COL6A3: variants seen among roughly 807,000 people sequenced by gnomAD.
COL6A3 encodes collagen alpha-3(VI) chain.
Under a neutral mutation model 274.1 loss-of-function variants are expected in COL6A3, and 137 were observed. The ratio of observed to expected loss-of-function variants is 0.50; its 90% CI spans 0.44 to 0.58. The LOEUF is 0.58. Ranked by LOEUF, COL6A3 falls within the 20% of genes least tolerant of loss-of-function variation. The pLI is 0.00. For synonymous variants in COL6A3, 1,650 were observed against 1,650.6 expected, an observed-to-expected ratio of 1.00 and a Z score of 0.01; for missense variants, 3,950 against 4,124.9, an observed-to-expected ratio of 0.96 and a Z score of 1.16.
At position 237,377,301 on chromosome 2, in the gene COL6A3, A is replaced by G; in HGVS notation, c.2541T>C (p.Asn847=). 1 of 1,602,302 alleles carries G rather than the reference A, an allele frequency of 6.2e-7. No individual in the cohort carries two copies. Among genetic ancestry groups the G allele is most frequent in the Non-Finnish European group, 8.5e-7 (1 of 1,179,934 alleles). Residue 847 remains asparagine (N), a synonymous_variant, in exon 7 of 44, where the codon AAT becomes AAC. Coordinates refer to ENST00000295550, the MANE Select transcript of COL6A3 (RefSeq NM_004369.4). The part of the protein sequence containing the change: ...DILFLFDGSA[N]LVGQFPVVRD... ...GGACAACAGGGAACTGGCCCACAAG[A>G]TTGGCTGAGCCGTCAAAGAGGAACA... is the stretch of plus-strand genomic sequence containing the variant.
rs749169391 is a variant in COL6A3, at chr2:237,340,523, A to G, written c.8393T>C (p.Val2798Ala). 4.6e-5 allele frequency: 74 copies of G among 1,614,032 alleles called. No individual in the cohort carries two copies. Among genetic ancestry groups the G allele is most frequent in the Non-Finnish European group, 5.8e-5 (69 of 1,180,040 alleles). Residue 2798 changes from valine to alanine, a missense_variant, in exon 38 of 44, where the codon GTG (valine) becomes GCG (alanine). Val to Ala is a moderately conservative substitution (Grantham distance 64). Coordinates refer to ENST00000295550, the MANE Select transcript of COL6A3 (RefSeq NM_004369.4). ...SEPNDVFFKL[V>A]DKSTELNEEP... ...CTCGTTGAGCTCGGTGGACTTGTCC[A>G]CTAATTTGAAGAAGACGTCGTTTGG...
rs186898622 is a variant in COL6A3, at chr2:237,357,007, C to T, written c.6591+331G>A. 1.3e-3 allele frequency: 542 copies of T among 413,042 alleles called. 4 individuals are homozygous for T. Among genetic ancestry groups the T allele is most frequent in the Admixed American group, 2.3e-3 (57 of 25,302 alleles). The allele number at this position is 413,042 out of a possible 1,614,324, so 25.6% of individuals were successfully genotyped here. On this transcript the variant is annotated intron_variant, in intron 23 of 43. Transcript: ENST00000295550. ...CCTCAGCCCTCTTGCCCCTTATTCC[C>T]TCCCTCCCCCAGTATTAGGATTTCC...
At chr2:237,353,315 A>G in intron 25 of COL6A3, 26 bp downstream of exon 25, 1 of 1,609,692 alleles carries the variant, frequency 6.2e-7, no homozygotes, top group Non-Finnish European at 8.5e-7. Flanking sequence ...ATCAGAGGGC[A>G]CACAGTCACA....
rs1439424107 is a variant in COL6A3, at chr2:237,413,542, C to T, written c.-31+411G>A. ...CACCCAGAGAGCTCAGAGAACATCT[C>T]CCAGCGGAGCCGCCCGGCAGGGAGC... is the stretch of plus-strand genomic sequence containing the variant. On this transcript the variant is annotated intron_variant, in intron 1 of 43. Coordinates refer to ENST00000295550, the MANE Select transcript of COL6A3 (RefSeq NM_004369.4). The surrounding 1 kb of genome is among the most constrained non-coding windows in gnomAD (Gnocchi z 4.0). Among the ~76,000 whole-genome samples, 1 of 151,486 alleles carries T rather than the reference C, an allele frequency of 6.6e-6. No individual in the cohort carries two copies. The highest frequency in any genetic ancestry group is 1.5e-5 in the Non-Finnish European group (1 of 68,030).
At chr2:237,369,542 G>A (rs2077635186) in intron 9 of COL6A3, among the ~76,000 whole-genome samples, 1 of 152,208 alleles carries the variant, frequency 6.6e-6, no homozygotes, top group Admixed American at 6.5e-5. Context: ...AAGAGACCAA[G>A]GCCACTGGGA....
In COL6A3 at chr2:237,394,875, C is replaced by T. The variant is rs398124120; in HGVS notation, c.421G>A (p.Gly141Arg). The T allele has an allele frequency of 1.1e-5, 17 of 1,611,644 alleles. No homozygotes were observed. Among genetic ancestry groups the T allele is most frequent in the South Asian group, 4.4e-5 (4 of 91,050 alleles). ...AACACTACGATAACCTGAGGGACTC[C>T]GTCACCGGCCCGGCTTCCAGCAGCC... ...TKAAGSRAGD[G>R]VPQVIVVLTD... Residue 141 changes from glycine (G) to arginine (R), a missense_variant, in exon 3 of 44, where the codon GGA (glycine) becomes AGA (arginine). By Grantham distance (125) the Gly-to-Arg change is moderately radical. Transcript: ENST00000295550.
chr2:237,362,901 C>T (rs138811676), intron 14 of COL6A3, among the ~76,000 whole-genome samples: 5 of 152,288 alleles, frequency 3.3e-5, no homozygotes, highest in Non-Finnish European at 7.4e-5. Context: ...TTCAGATGCT[C>T]TTGACACAGT....
At position 237,407,365 on chromosome 2, in the gene COL6A3, G is replaced by A. The variant is rs1354386186; in HGVS notation, c.-31+6588C>T. On this transcript the variant is annotated intron_variant, in intron 1 of 43. Coordinates refer to ENST00000295550, the MANE Select transcript of COL6A3 (RefSeq NM_004369.4). The surrounding 1 kb of genome is among the most constrained non-coding windows in gnomAD (Gnocchi z 4.3). ...CCTACTGGGGTCCTTTGTCACTTAC[G>A]GGGGTCCTTGTTAGATATGGAGTAG... 5.3e-5 allele frequency among the ~76,000 whole-genome samples: 8 copies of A among 152,124 alleles called. No individual in the cohort carries two copies. The highest frequency in any genetic ancestry group is 4.2e-4 in the South Asian group (2 of 4,816).
intron 9 of COL6A3, among the ~76,000 whole-genome samples, 167 bp from the exon 10 acceptor site, chr2:237,369,344 C>A (rs1006910177): frequency 1.3e-5 from 2 of 152,140 alleles, no homozygotes. Flanking sequence ...AAAATTGGAC[C>A]TTTTACACCA....
rs1180101486 is a variant in COL6A3 at position 237,364,772 on chromosome 2, A to G, written c.5839-344T>C. On this transcript the variant is annotated intron_variant, in intron 12 of 43. Coordinates refer to ENST00000295550, the MANE Select transcript of COL6A3 (RefSeq NM_004369.4). The surrounding 1 kb of genome is among the most constrained non-coding windows in gnomAD (Gnocchi z 4.6). ...CATGTGTGTGCATGTGTGTGGGTAC[A>G]TATGTGTGTGTATGGGTGCATTGTG... Among the ~76,000 whole-genome samples the G allele has an allele frequency of 3.4e-5, 5 of 148,046 alleles. No homozygotes were observed. Among genetic ancestry groups the G allele is most frequent in the Non-Finnish European group, 6.0e-5 (4 of 66,740 alleles).
At position 237,339,131 on chromosome 2, in the gene COL6A3, A is replaced by AG. The variant is rs1289584035; in HGVS notation, c.8465-15_8465-14insC. 3 of 1,578,724 alleles carry AG rather than the reference A, an allele frequency of 1.9e-6. No homozygotes were observed. ...AAGCATTTTCACCTAAAGAAAAAAA[A>AG]CAAAGAAAACAATTGAACCGCATGC... On this transcript the variant is annotated splice_polypyrimidine_tract_variant and intron_variant, in intron 38 of 43. Transcript: ENST00000295550.
At chr2:237,338,814 C>A in intron 39 of COL6A3, 1 of 560,896 alleles carries the variant, frequency 1.8e-6, no homozygotes, top group Non-Finnish European at 3.2e-6. Context: ...TGTTTTAAGC[C>A]ACTAAGTTTT....
At position 237,377,214 on chromosome 2, in the gene COL6A3, C is replaced by T. The variant is rs919417658; in HGVS notation, c.2628G>A (p.Ala876=). The T allele has an allele frequency of 2.5e-6, 4 of 1,613,566 alleles. No homozygotes were observed. The highest frequency in any genetic ancestry group is 2.2e-5 in the South Asian group (2 of 91,068). Residue 876 remains alanine, a synonymous_variant, in exon 7 of 44, where the codon GCG becomes GCA. Coordinates refer to ENST00000295550, the MANE Select transcript of COL6A3 (RefSeq NM_004369.4). ...LNVKPEGTRI[A]VAQYSDDVKV... ...TGACATCATCGCTGTACTGAGCCAC[C>T]GCAATTCGGGTCCCCTCTGGCTTCA...
At chr2:237,342,195 C>A (rs188020704) in intron 36 of COL6A3, 34 bp from the exon 37 acceptor site, 10 of 1,534,026 alleles carry the variant, frequency 6.5e-6, no homozygotes, top group African/African-American at 2.7e-5. Context: ...TTGGTAGGGG[C>A]GTACATGATC....
intron 40 of COL6A3, among the ~76,000 whole-genome samples, chr2:237,335,448 A>G (rs1450528161): frequency 6.6e-6 from 1 of 152,210 alleles, no homozygotes; most frequent in Non-Finnish European, 1.5e-5. Flanking sequence ...TATCTAATTC[A>G]GTCTGAAATA....
intron 3 of COL6A3, among the ~76,000 whole-genome samples, chr2:237,388,850 T>C (rs968901436): frequency 6.6e-6 from 1 of 152,202 alleles, no homozygotes; most frequent in Admixed American, 6.5e-5. Flanking sequence ...GAAATTTTTG[T>C]TGTTCTTTTT....
At chr2:237,332,729 T>C (rs1024163803) in intron 42 of COL6A3, among the ~76,000 whole-genome samples, 6 of 152,218 alleles carry the variant, frequency 3.9e-5, no homozygotes, top group African/African-American at 1.4e-4. Flanking sequence ...CATTCTTTGC[T>C]GAACACTCTT....
Position 237,325,651 on chromosome 2 carries a change from G to A in COL6A3, c.9402C>T (p.Thr3134=). Residue 3134 remains threonine (T), a synonymous_variant, in exon 43 of 44, where the codon ACC becomes ACT. Transcript: ENST00000295550. Reference sequence around the variant, plus strand: ...CATACCAGAATCTTGCACAGCTTTTGGTGTTTGGATCATAGTACCATTTTA... The same window carrying A: ...CATACCAGAATCTTGCACAGCTTTTAGTGTTTGGATCATAGTACCATTTTA... The part of the protein sequence containing the change: ...FILKWYYDPN[T]KSCARFWYGG... 1.9e-6 allele frequency: 3 copies of A among 1,614,088 alleles called. No homozygotes were observed. In the South Asian group the frequency reaches 3.3e-5, roughly 18 times the overall value.
intron 1 of COL6A3, among the ~76,000 whole-genome samples, chr2:237,397,455 GAA>G (rs916701585): frequency 7.9e-6 from 1 of 126,822 alleles, no homozygotes; most frequent in Non-Finnish European, 1.6e-5. Flanking sequence ...AAGAGAGAAA[GAA>G]AGAGAGAGAG....
Sources: gnomAD v4.1 joint callset for allele counts (sites outside exome capture counted in the v4.1 genomes callset) on GRCh38, gnomAD v4.1.1 for gene constraint, Gnocchi (gnomAD v3.1) non-coding constraint, MANE v1.5 for transcripts, NCBI Gene and HGNC (gene_info 2026-07-23, HGNC 2026-07-21) for gene names.